EBNA1BP2: variants seen among roughly 807,000 people sequenced by gnomAD.
The protein encoded by EBNA1BP2 is probable rRNA-processing protein EBP2.
In EBNA1BP2, 36 loss-of-function variants were observed where a neutral mutation model predicts 43.5. That is an observed-to-expected ratio of 0.83 (90% CI 0.63 to 1.09). EBNA1BP2 has a LOEUF of 1.09. Among genes scored for constraint, EBNA1BP2 ranks in the 50% least tolerant of loss-of-function variants. EBNA1BP2 has a pLI of 0.00. For missense variants in EBNA1BP2, 332 were observed against 379.1 expected (o/e 0.88, Z 1.03); for synonymous variants, 127 against 141.3 (o/e 0.90, Z 0.72).
chr1:43,166,719 TG>T, intron 7 of EBNA1BP2, 106 bp downstream of exon 7: 1 of 1,148,360 alleles, frequency 8.7e-7, no homozygotes, highest in Non-Finnish European at 1.2e-6. Flanking sequence ...CTGCACTCTC[TG>T]GACTCTATGG....
intron 4 of EBNA1BP2, 27 bp from the exon 5 acceptor site, chr1:43,169,055 T>C (rs756581018): frequency 1.7e-5 from 27 of 1,611,346 alleles, no homozygotes; most frequent in Non-Finnish European, 2.1e-5. Flanking sequence ...TGTCAGTTCA[T>C]GTCATTTGAA....
At position 43,172,190 on chromosome 1, in the gene EBNA1BP2, C is replaced by T. The variant is rs759509938; in HGVS notation, c.-72G>A. ...CGAGACCCAAGCGGCTAGCAGAGGG[C>T]GGCCCTGGCCGCTGCTGCCTGCCTT... On this transcript the variant is annotated 5_prime_UTR_variant, in exon 1 of 9. Transcript: ENST00000236051. 6.9e-6 allele frequency: 11 copies of T among 1,603,038 alleles called. No individual in the cohort carries two copies. In the South Asian group the frequency reaches 1.2e-4, roughly 18 times the overall value.
At position 43,164,776 on chromosome 1, in the gene EBNA1BP2, T is replaced by G. The variant is rs1644907588; in HGVS notation, c.737A>C (p.Gln246Pro). The change falls in exon 8 of 9, where the codon CAG becomes CCG. Residue 246 changes from glutamine (Q) to proline (P), a missense_variant. By Grantham distance (76) the Gln-to-Pro change is moderately conservative. Around this residue, in one of 3 missense-constraint regions of EBNA1BP2, gnomAD observed 91 missense variants for 152.1 expected, o/e 0.60. Coordinates refer to ENST00000236051, the MANE Select transcript of EBNA1BP2 (RefSeq NM_006824.3). Reference sequence around the variant, plus strand: ...CTTCTTTCCACCAAAACCAAACTTCTGGTTTTTATACCGTCGTTTAGCACT... The same window carrying G: ...CTTCTTTCCACCAAAACCAAACTTCGGGTTTTTATACCGTCGTTTAGCACT... ...GPSAKRRYKN[Q>P]KFGFGGKKKG... is the part of the protein sequence containing the mutation. 7.4e-6 allele frequency: 12 copies of G among 1,614,252 alleles called. No homozygotes were observed. The highest frequency in any genetic ancestry group is 1.0e-5 in the Non-Finnish European group (12 of 1,180,042).
Position 43,164,788 on chromosome 1 carries a change from C to T in EBNA1BP2, c.725G>A (p.Arg242Gln), listed in dbSNP as rs745750983. The part of the protein sequence containing the change: ...QMRKGPSAKR[R>Q]YKNQKFGFGG... The stretch of plus-strand genomic sequence containing the variant: ...AAAACCAAACTTCTGGTTTTTATAC[C>T]GTCGTTTAGCACTGGGCCTGGAAAA... The change falls in exon 8 of 9, where the codon CGG (arginine) becomes CAG (glutamine). Residue 242 changes from arginine to glutamine, a missense_variant. This residue lies in a region of EBNA1BP2 where 91 missense variants were observed against 152.1 expected (regional missense o/e 0.60). Coordinates refer to ENST00000236051, the MANE Select transcript of EBNA1BP2 (RefSeq NM_006824.3). 1.1e-5 allele frequency: 18 copies of T among 1,614,062 alleles called. No homozygotes were observed. The highest frequency in any genetic ancestry group is 1.4e-5 in the Non-Finnish European group (16 of 1,180,034).
intron 4 of EBNA1BP2, 50 bp from the exon 5 acceptor site, chr1:43,169,078 A>C (rs770956678): frequency 6.4e-6 from 10 of 1,569,652 alleles, no homozygotes; most frequent in Non-Finnish European, 8.8e-6. Flanking sequence ...TGGAATGACC[A>C]CTACTTAGGA....
chr1:43,165,619 A>G (rs1644913202), intron 7 of EBNA1BP2, among the ~76,000 whole-genome samples: 1 of 152,190 alleles, frequency 6.6e-6, no homozygotes, highest in South Asian at 2.1e-4. Flanking sequence ...ACATGAATAT[A>G]ACCTGCTCAT....
At chr1:43,172,341 G>T (rs1032634887), upstream of EBNA1BP2, 25 of 1,551,546 alleles carry the variant, frequency 1.6e-5, no homozygotes, top group Non-Finnish European at 1.9e-5. Context: ...CTTCCGGTTT[G>T]TCGTTGCTAT....
Position 43,169,092 on chromosome 1 carries a change from G to A in EBNA1BP2, c.448-64C>T, listed in dbSNP as rs1258585951. 9 of 1,514,086 alleles carry A rather than the reference G, an allele frequency of 5.9e-6. No homozygotes were observed. The East Asian group carries it at 6.8e-5, about 11-fold the overall frequency. 93.8% of individuals were successfully genotyped at this position (1,514,086 alleles called of 1,614,324 possible). A position where few individuals can be genotyped will look rare whatever the true frequency, so the allele number is the denominator to read the frequency against. Reference sequence around the variant, plus strand: ...CTGGAATGACCACTACTTAGGATTCGCTAGAGCAGGGAACAGATATTCCCT... The same window carrying A: ...CTGGAATGACCACTACTTAGGATTCACTAGAGCAGGGAACAGATATTCCCT... On this transcript the variant is annotated intron_variant, in intron 4 of 8. Transcript: ENST00000236051.
In EBNA1BP2 at chr1:43,168,989, T is replaced by C. The variant is rs1644935749; in HGVS notation, c.487A>G (p.Arg163Gly). The C allele has an allele frequency of 6.2e-7, 1 of 1,614,032 alleles. No individual in the cohort carries two copies. Among genetic ancestry groups the C allele is most frequent in the African/African-American group, 1.3e-5 (1 of 74,902 alleles). ...KLQTKQAAME[R>G]SEKAKQLRAL... ...CGCAGTTGCTTAGCTTTTTCAGACCTCTCCATGGCAGCCTGTTTAGTCTGC... is the reference window on the plus strand; with the variant it reads ...CGCAGTTGCTTAGCTTTTTCAGACCCCTCCATGGCAGCCTGTTTAGTCTGC... Residue 163 changes from arginine (R) to glycine (G), a missense_variant, in exon 5 of 9, where the codon AGG becomes GGG. By Grantham distance (125) the Arg-to-Gly change is moderately radical. Transcript: ENST00000236051.
chr1:43,171,747 C>G, intron 2 of EBNA1BP2, 96 bp from the exon 3 acceptor site: 1 of 1,565,618 alleles, frequency 6.4e-7, no homozygotes, highest in Admixed American at 1.8e-5. Flanking sequence ...TGCTAATCCC[C>G]AATACCCAGA....
chr1:43,172,544 T>C, upstream of EBNA1BP2: 1 of 759,584 alleles, frequency 1.3e-6, no homozygotes, highest in Non-Finnish European at 1.7e-6. Flanking sequence ...GGGGGTGGGG[T>C]GGCGCGGAGG....
intron 3 of EBNA1BP2, 180 bp downstream of exon 3, chr1:43,171,299 T>C: frequency 1.3e-6 from 1 of 787,852 alleles, no homozygotes; most frequent in South Asian, 2.9e-5. Context: ...TTTTGGATCG[T>C]GACCGTGGAC....
downstream of EBNA1BP2, chr1:43,164,181 G>T (rs1471999463): frequency 6.2e-6 from 3 of 484,434 alleles, no homozygotes; most frequent in Non-Finnish European, 1.1e-5. Context: ...AAATGAGAAG[G>T]TGTCAGTTAA....
rs572049646 is a variant in EBNA1BP2, at chr1:43,167,310, C to T, written c.538-75G>A. 5 of 1,388,618 alleles carry T rather than the reference C, an allele frequency of 3.6e-6. No homozygotes were observed. The Admixed American group carries it at 6.7e-5, about 19-fold the overall frequency. The allele number at this position is 1,388,618 out of a possible 1,614,324, so 86.0% of individuals were successfully genotyped here. On this transcript the variant is annotated intron_variant, in intron 5 of 8. Transcript: ENST00000236051. ...AGTGTCTACATTGTCTTAATAGCAA[C>T]ACCATGATTAATACCACTACCCTCT...
rs1644904101 is a variant in EBNA1BP2 at position 43,164,380 on chromosome 1, G to A, written c.*63C>T. The A allele has an allele frequency of 6.3e-7, 1 of 1,591,662 alleles. No individual in the cohort carries two copies. Among genetic ancestry groups the A allele is most frequent in the Admixed American group, 1.7e-5 (1 of 59,922 alleles). ...CATGACACCAACAGAAGGGATCAAA[G>A]TGTGTCGTGAAATTGCGAGTCTTCA... is the stretch of plus-strand genomic sequence containing the variant. On this transcript the variant is annotated 3_prime_UTR_variant, in exon 9 of 9. Transcript: ENST00000236051.
intron 2 of EBNA1BP2, 82 bp downstream of exon 2, chr1:43,171,804 G>C (rs1569737011): frequency 6.3e-7 from 1 of 1,582,780 alleles, no homozygotes; most frequent in East Asian, 2.2e-5. Flanking sequence ...TCTTTCCTGG[G>C]ACAAGAATCG....
In EBNA1BP2 at chr1:43,171,615, C is replaced by T. The variant is rs1280956552; in HGVS notation, c.187G>A (p.Asp63Asn). The T allele has an allele frequency of 3.1e-6, 5 of 1,614,170 alleles. No individual in the cohort carries two copies. The highest frequency in any genetic ancestry group is 4.2e-6 in the Non-Finnish European group (5 of 1,180,034). The part of the protein sequence containing the change: ...LKQCLAEFKR[D>N]LEWVERLDVT... ...TCGAGCCTTTCAACCCATTCCAGATCCCGCTTGAATTCTGCCAAACATTGC... is the reference window on the plus strand; with the variant it reads ...TCGAGCCTTTCAACCCATTCCAGATTCCGCTTGAATTCTGCCAAACATTGC... The change falls in exon 3 of 9, where the codon GAT becomes AAT. Residue 63 changes from aspartate to asparagine, a missense_variant. Asp to Asn is a conservative substitution (Grantham distance 23, BLOSUM62 1). This residue lies in a region of EBNA1BP2 where 182 missense variants were observed against 173.7 expected (regional missense o/e 1.05). Transcript: ENST00000236051.
chr1:43,170,682 C>CT, intron 4 of EBNA1BP2, 74 bp downstream of exon 4: 1 of 1,544,300 alleles, frequency 6.5e-7, no homozygotes, highest in Non-Finnish European at 8.7e-7. Flanking sequence ...GGGCTCATAG[C>CT]TATCTTTCTA....
In EBNA1BP2 at chr1:43,165,754, G is replaced by A. The variant is rs1644913984; in HGVS notation, c.708-949C>T. ...ATTGCACCCCTCCTTGCTTTGCACT[G>A]TATTCCCAGTGACACCAAGGGCTTA... On this transcript the variant is annotated intron_variant, in intron 7 of 8. Coordinates refer to ENST00000236051, the MANE Select transcript of EBNA1BP2 (RefSeq NM_006824.3). Among the ~76,000 whole-genome samples, 3 of 152,136 alleles carry A rather than the reference G, an allele frequency of 2.0e-5. No homozygotes were observed. In the South Asian group the frequency reaches 6.2e-4, roughly 32 times the overall value.
Sources: gnomAD v4.1 joint callset for allele counts (sites outside exome capture counted in the v4.1 genomes callset) on GRCh38, gnomAD v4.1.1 for gene constraint, gnomAD v4.1.1 regional missense constraint, MANE v1.5 for transcripts, NCBI Gene and HGNC (gene_info 2026-07-23, HGNC 2026-07-21) for gene names.